The following EPHA6 variants were observed in gnomAD, a reference collection of about 807,000 sequenced individuals.
EPHA6 encodes EPH receptor A6, also known as ephrin type-A receptor 6.
A neutral mutation model predicts 112.0 loss-of-function variants in EPHA6; 50 were observed. That is an observed-to-expected ratio of 0.45 (90% CI 0.36 to 0.56). EPHA6 has a LOEUF of 0.56. Among genes scored for constraint, EPHA6 ranks in the 20% least tolerant of loss-of-function variants. EPHA6 has a pLI of 0.00. For missense variants in EPHA6, 1,280 were observed against 1,417.4 expected (o/e 0.90, Z 1.56); for synonymous variants, 529 against 490.7 (o/e 1.08, Z -1.03).
chr3:96,870,411 T>C (rs2036568231), intron 2 of EPHA6, among the ~76,000 whole-genome samples: 1 of 152,058 alleles, frequency 6.6e-6, no homozygotes, highest in Non-Finnish European at 1.5e-5. Context: ...TTCTACATCT[T>C]TCTCATTCTA....
chr3:96,886,007 T>G (rs2107525097), intron 2 of EPHA6, among the ~76,000 whole-genome samples: 1 of 152,344 alleles, frequency 6.6e-6, no homozygotes, highest in Non-Finnish European at 1.5e-5. Context: ...AGCAGGTTAT[T>G]TAATTTCTGT....
chr3:96,831,995 G>A (rs6807631), intron 1 of EPHA6, among the ~76,000 whole-genome samples: 200 of 152,050 alleles, frequency 1.3e-3, no homozygotes, highest in Non-Finnish European at 2.5e-3. Flanking sequence ...AATCTGATTG[G>A]CCTTGAGTGG....
intron 14 of EPHA6, chr3:97,646,296 G>C (rs1199331858): frequency 6.5e-7 from 1 of 1,526,992 alleles, no homozygotes; most frequent in East Asian, 2.5e-5. Context: ...TGACAAGAGA[G>C]ATAACCCTCC....
intron 2 of EPHA6, among the ~76,000 whole-genome samples, chr3:96,901,266 A>C (rs1271474500): frequency 2.0e-5 from 3 of 152,108 alleles, no homozygotes; most frequent in African/African-American, 7.2e-5. Flanking sequence ...TAAATGAAAA[A>C]AAATCTTATG....
chr3:97,177,993 A>T (rs958378389), intron 3 of EPHA6, among the ~76,000 whole-genome samples: 4 of 151,624 alleles, frequency 2.6e-5, no homozygotes, highest in Non-Finnish European at 5.9e-5. Context: ...CCATTTTGTG[A>T]CTTGGTTTTC....
chr3:97,436,349 A>G (rs1213308692), intron 6 of EPHA6, among the ~76,000 whole-genome samples: 2 of 152,144 alleles, frequency 1.3e-5, no homozygotes, highest in African/African-American at 2.4e-5. Context: ...GTTTTTGAAC[A>G]AAACAAATAT....
chr3:97,651,144 G>A (rs1441096249), intron 14 of EPHA6, among the ~76,000 whole-genome samples: 1 of 151,954 alleles, frequency 6.6e-6, no homozygotes, highest in Non-Finnish European at 1.5e-5. Context: ...AAAACCAATA[G>A]GAAATAAGTA....
intron 5 of EPHA6, among the ~76,000 whole-genome samples, chr3:97,375,316 C>T (rs2085289697): frequency 6.6e-6 from 1 of 152,132 alleles, no homozygotes; most frequent in Non-Finnish European, 1.5e-5. Context: ...TCTTTCACAT[C>T]ACTGAGAAAA....
intron 3 of EPHA6, among the ~76,000 whole-genome samples, chr3:97,017,125 A>G (rs1253962031): frequency 6.6e-6 from 1 of 152,184 alleles, no homozygotes; most frequent in Non-Finnish European, 1.5e-5. Flanking sequence ...CAAAATAAGC[A>G]CCTTCATAAG....
At chr3:97,492,225 G>T (rs762851978) in intron 10 of EPHA6, among the ~76,000 whole-genome samples, 25 of 151,794 alleles carry the variant, frequency 1.6e-4, no homozygotes, top group Non-Finnish European at 3.1e-4. Context: ...ATCAGCCTTG[G>T]GTTAGGTATT....
chr3:97,198,455 A>G (rs1481995957), intron 3 of EPHA6, among the ~76,000 whole-genome samples: 1 of 152,096 alleles, frequency 6.6e-6, no homozygotes, highest in Non-Finnish European at 1.5e-5. Context: ...GTTTAGCCCG[A>G]GTACTATAGA....
At chr3:97,038,564 G>A (rs1486114690) in intron 3 of EPHA6, among the ~76,000 whole-genome samples, 2 of 151,988 alleles carry the variant, frequency 1.3e-5, no homozygotes, top group South Asian at 2.1e-4. Context: ...TTCACTGATA[G>A]GCAATGAGGT....
Position 96,815,208 on chromosome 3 carries a change from G to T in EPHA6, c.385+200G>T, listed in dbSNP as rs188841097. Among the ~76,000 whole-genome samples, 97 of 152,252 alleles carry T rather than the reference G, an allele frequency of 6.4e-4. 3 individuals carry two copies. Among genetic ancestry groups the T allele is most frequent in the African/African-American group, 2.2e-3 (91 of 41,542 alleles). ...ACGGTGACTCCACAGGCTAGGATCCGTTGTGTTTCTAAATGTCTTTAAACG... is the reference window on the plus strand; with the variant it reads ...ACGGTGACTCCACAGGCTAGGATCCTTTGTGTTTCTAAATGTCTTTAAACG... On this transcript the variant is annotated intron_variant, in intron 1 of 17. Coordinates refer to ENST00000389672, the MANE Select transcript of EPHA6 (RefSeq NM_001080448.3).
At chr3:97,146,478 C>G (rs1485637749) in intron 3 of EPHA6, among the ~76,000 whole-genome samples, 1 of 151,754 alleles carries the variant, frequency 6.6e-6, no homozygotes, top group Non-Finnish European at 1.5e-5. Flanking sequence ...GACTATTGGG[C>G]ATCTCTACAT....
chr3:96,912,999 G>C (rs2039296490), intron 2 of EPHA6, among the ~76,000 whole-genome samples: 1 of 152,026 alleles, frequency 6.6e-6, no homozygotes, highest in Admixed American at 6.6e-5. Flanking sequence ...GGGAGAAGCA[G>C]TGTAAGGTAG....
At chr3:97,061,961 A>T (rs1281313293) in intron 3 of EPHA6, among the ~76,000 whole-genome samples, 2 of 152,214 alleles carry the variant, frequency 1.3e-5, no homozygotes, top group Admixed American at 1.3e-4. Context: ...TATTTATAGT[A>T]TGAGTGTGAG....
At chr3:96,961,279 A>G (rs2041940823) in intron 2 of EPHA6, among the ~76,000 whole-genome samples, 1 of 152,192 alleles carries the variant, frequency 6.6e-6, no homozygotes, top group Non-Finnish European at 1.5e-5. Context: ...GTATCTATTC[A>G]TCTCTATTCT....
At chr3:97,273,537 G>C (rs931778264) in intron 5 of EPHA6, among the ~76,000 whole-genome samples, 1 of 152,184 alleles carries the variant, frequency 6.6e-6, no homozygotes, top group Non-Finnish European at 1.5e-5. Flanking sequence ...GTAGCATTCC[G>C]AGGACGGGCC....
intron 1 of EPHA6, among the ~76,000 whole-genome samples, chr3:96,865,694 C>CAAAAAAAAAAAAAAAAAAAAAAAAA (rs57565102): frequency 1.2e-5 from 1 of 82,014 alleles, no homozygotes; most frequent in Admixed American, 1.3e-4. Flanking sequence ...AAAAAACAAA[C>CAAAAAAAAAAAAAAAAAAAAAAAAA]AAAAAAAAAA....
Sources: gnomAD v4.1 joint callset for allele counts (sites outside exome capture counted in the v4.1 genomes callset) on GRCh38, gnomAD v4.1.1 for gene constraint, MANE v1.5 for transcripts, NCBI Gene and HGNC (gene_info 2026-07-23, HGNC 2026-07-21) for gene names.